PDHX: variants seen among roughly 807,000 people sequenced by gnomAD.
PDHX encodes pyruvate dehydrogenase complex component X, also known as pyruvate dehydrogenase protein X component, mitochondrial.
A neutral mutation model predicts 55.3 loss-of-function variants in PDHX; 33 were observed. That is an observed-to-expected ratio of 0.60 (90% confidence interval 0.45 to 0.80). The LOEUF is 0.80. Ranked by LOEUF, PDHX falls within the 30% of genes least tolerant of loss-of-function variation. The probability of loss-of-function intolerance (pLI) is 0.00; values close to 1 mark genes in which losing one functional copy is unlikely to be tolerated. For synonymous variants in PDHX, 226 were observed against 219.4 expected (o/e 1.03, Z -0.27); for missense variants, 622 against 619.9 (o/e 1.00, Z -0.04).
intron 3 of PDHX, among the ~76,000 whole-genome samples, chr11:34,954,931 G>C (rs1854871097): frequency 6.6e-6 from 1 of 152,146 alleles, no homozygotes; most frequent in Admixed American, 6.5e-5. Flanking sequence ...AGCCAGCGTT[G>C]AAACTCAGGA....
Position 34,984,706 on chromosome 11 carries a change from A to G in PDHX, c.1160A>G (p.Gln387Arg). Residue 387 changes from glutamine to arginine, a missense_variant, in exon 9 of 11, where the codon CAG (glutamine) becomes CGG (arginine). Gln to Arg is a conservative substitution (Grantham distance 43). Transcript: ENST00000227868. ...AAAGATGCTGCTGCTAAAGGTATCC[A>G]GGAAATTGCTGACTCTGTAAAGGTA... ...IIKDAAAKGI[Q>R]EIADSVKALS... 1 of 1,614,134 alleles carries G rather than the reference A, an allele frequency of 6.2e-7. No homozygotes were observed. The highest frequency in any genetic ancestry group is 8.5e-7 in the Non-Finnish European group (1 of 1,179,958).
At chr11:34,916,246 G>A (rs1196095824), upstream of PDHX, 3 of 1,612,234 alleles carry the variant, frequency 1.9e-6, no homozygotes, top group Admixed American at 1.7e-5. Context: ...CGCATCTCCG[G>A]GAACAACAGT....
chr11:34,944,544 A>G (rs574007590), intron 2 of PDHX, among the ~76,000 whole-genome samples: 12 of 152,226 alleles, frequency 7.9e-5, no homozygotes, highest in Non-Finnish European at 1.6e-4. Context: ...AATAACTTAT[A>G]TTAGTGTCTC....
At chr11:34,955,053 A>G (rs1360216505) in intron 3 of PDHX, among the ~76,000 whole-genome samples, 2 of 152,190 alleles carry the variant, frequency 1.3e-5, no homozygotes, top group African/African-American at 4.8e-5. Flanking sequence ...AAAACCCTGC[A>G]TTTAATATTA....
intron 1 of PDHX, among the ~76,000 whole-genome samples, chr11:34,930,778 T>C (rs1348566545): frequency 6.6e-6 from 1 of 152,210 alleles, no homozygotes; most frequent in Non-Finnish European, 1.5e-5. Context: ...GATCCCCAGT[T>C]GAATTGTGGT....
intron 2 of PDHX, among the ~76,000 whole-genome samples, chr11:34,933,564 G>A (rs961263719): frequency 1.3e-5 from 2 of 152,178 alleles, no homozygotes; most frequent in Admixed American, 1.3e-4. Context: ...GAACGACCCT[G>A]TGATGGTAAA....
chr11:34,916,778 T>C lies in PDHX; in HGVS notation c.123T>C (p.Ala41=), dbSNP rs1305776816. 1 of 1,601,550 alleles carries C rather than the reference T, an allele frequency of 6.2e-7. No homozygotes were observed. The highest frequency in any genetic ancestry group is 1.3e-5 in the African/African-American group (1 of 74,624). Residue 41 remains alanine, a synonymous_variant, in exon 1 of 11, where the codon GCT becomes GCC. Coordinates refer to ENST00000227868, the MANE Select transcript of PDHX (RefSeq NM_003477.3). ...GALGWSVSRG[A]NWRWFHSTQW... ...TTGGGTGGTCTGTAAGCCGCGGAGCTAATTGGAGATGGTTTCACAGCACGC... is the reference window on the plus strand; with the variant it reads ...TTGGGTGGTCTGTAAGCCGCGGAGCCAATTGGAGATGGTTTCACAGCACGC...
intron 9 of PDHX, 51 bp from the exon 10 acceptor site, chr11:34,992,264 C>A (rs1855771806): frequency 9.9e-7 from 1 of 1,011,814 alleles, no homozygotes; most frequent in East Asian, 2.4e-5. Flanking sequence ...GTGACAAGAT[C>A]AACTGTATAA....
chr11:34,944,084 T>C (rs201152996), intron 2 of PDHX, among the ~76,000 whole-genome samples: 87,613 of 147,658 alleles, frequency 0.59, 27,162 homozygotes, highest in East Asian at 0.74. Context: ...CAAATATGTG[T>C]GTGTGTGTGT....
intron 2 of PDHX, among the ~76,000 whole-genome samples, chr11:34,942,882 A>T (rs940655806): frequency 6.6e-6 from 1 of 152,002 alleles, no homozygotes; most frequent in Admixed American, 6.6e-5. Flanking sequence ...ATTCTCATCT[A>T]GCTAACATAT....
At chr11:34,939,548 G>A (rs1854422905) in intron 2 of PDHX, among the ~76,000 whole-genome samples, 1 of 151,826 alleles carries the variant, frequency 6.6e-6, no homozygotes, top group Non-Finnish European at 1.5e-5. Flanking sequence ...AGGTAAGGGT[G>A]CAAAGAAAAA....
At chr11:34,959,206 T>C (rs1174309582) in intron 4 of PDHX, among the ~76,000 whole-genome samples, 2 of 151,968 alleles carry the variant, frequency 1.3e-5, no homozygotes. Flanking sequence ...TATAATTGTG[T>C]ATACATACAA....
rs58582234 is a variant in PDHX at position 34,936,783 on chromosome 11, CT to C, written c.241+5321del. Among the ~76,000 whole-genome samples the C allele has an allele frequency of 1.6e-3, 123 of 79,002 alleles. 1 individual carries two copies. The highest frequency in any genetic ancestry group is 1.8e-3 in the Non-Finnish European group (78 of 43,940). The allele number at this position is 79,002 out of a possible 152,430, so 51.8% of individuals were successfully genotyped here. A position where few individuals can be genotyped will look rare whatever the true frequency, so the allele number is the denominator to read the frequency against. The stretch of plus-strand genomic sequence containing the variant: ...AATAGGAAGTGGTTTCTTTTCTTTT[CT>C]TTTTTTTTTTTTTTTTTTTTTCTGA... On this transcript the variant is annotated intron_variant, in intron 2 of 10. Coordinates refer to ENST00000227868, the MANE Select transcript of PDHX (RefSeq NM_003477.3).
intron 1 of PDHX, among the ~76,000 whole-genome samples, chr11:34,920,077 C>A (rs1222226769): frequency 6.6e-6 from 1 of 152,080 alleles, no homozygotes; most frequent in Non-Finnish European, 1.5e-5. Context: ...AGGTGACAGC[C>A]CTTACAGGCT....
chr11:34,981,193 C>A (rs924537503), intron 8 of PDHX, among the ~76,000 whole-genome samples: 14 of 152,016 alleles, frequency 9.2e-5, no homozygotes, highest in African/African-American at 3.4e-4. Context: ...TGTTCCCTTT[C>A]CCTGTGTCCA....
rs1565161130 is a variant in PDHX at position 34,960,424 on chromosome 11, C to T, written c.547C>T (p.Arg183Cys). ...KEHIPGTLRF[R>C]LSPAARNILE... ...ACCTTCATATTTTTTTCTTAGGTTC[C>T]GTTTAAGTCCAGCTGCCCGCAATAT... The change falls in exon 5 of 11, where the codon CGT becomes TGT. Residue 183 changes from arginine (R) to cysteine (C), a missense_variant. Physicochemically the swap from Arg to Cys is radical, Grantham distance 180. Transcript: ENST00000227868. The T allele has an allele frequency of 2.1e-5, 34 of 1,610,322 alleles. No individual in the cohort carries two copies. Among genetic ancestry groups the T allele is most frequent in the Non-Finnish European group, 2.5e-5 (30 of 1,177,194 alleles).
rs1443335296 is a variant in PDHX at position 34,985,449 on chromosome 11, A to G, written c.1182+721A>G. ...AATGAGACTCCATCTCAAAAAAGAA[A>G]TGGACGTAATGTTCCAGAGGCAAAG... On this transcript the variant is annotated intron_variant, in intron 9 of 10. Coordinates refer to ENST00000227868, the MANE Select transcript of PDHX (RefSeq NM_003477.3). Among the ~76,000 whole-genome samples the G allele has an allele frequency of 2.6e-5, 4 of 152,198 alleles. No individual in the cohort carries two copies. The East Asian group carries it at 5.8e-4, about 22-fold the overall frequency.
rs780208101 is a variant in PDHX, at chr11:34,994,925, T to C, written c.1259T>C (p.Leu420Ser). Residue 420 changes from leucine (L) to serine (S), a missense_variant, in exon 11 of 11, where the codon TTG (leucine) becomes TCG (serine). By Grantham distance (145) the Leu-to-Ser change is moderately radical. Transcript: ENST00000227868. The part of the protein sequence containing the change: ...YQGGSFSISN[L>S]GMFGIDEFTA... ...TCTTTTCCCCCTAGTATTTCCAACT[T>C]GGGGATGTTTGGCATCGACGAATTT... 1.2e-6 allele frequency: 2 copies of C among 1,613,872 alleles called. No individual in the cohort carries two copies. The highest frequency in any genetic ancestry group is 1.7e-6 in the Non-Finnish European group (2 of 1,179,844).
intron 9 of PDHX, among the ~76,000 whole-genome samples, chr11:34,988,536 T>G (rs1855697260): frequency 7.1e-6 from 1 of 140,296 alleles, no homozygotes; most frequent in African/African-American, 2.7e-5. Context: ...ATCAGCCTTC[T>G]AGAATCAGTA....
Sources: allele counts gnomAD v4.1 joint callset (sites outside exome capture counted in the v4.1 genomes callset), GRCh38; gene constraint gnomAD v4.1.1; transcripts MANE v1.5; gene names NCBI Gene and HGNC (gene_info 2026-07-23, HGNC 2026-07-21).